The following PCDHGA4 variants were observed in gnomAD, a reference collection of about 807,000 sequenced individuals.
PCDHGA4 encodes protocadherin gamma-A4.
Under a neutral mutation model 54.6 loss-of-function variants are expected in PCDHGA4, and 38 were observed. That is an observed-to-expected ratio of 0.70 (90% confidence interval 0.54 to 0.91). The LOEUF is 0.91. Ranked by LOEUF, PCDHGA4 falls within the 40% of genes least tolerant of loss-of-function variation. PCDHGA4 has a pLI of 0.00. For missense variants in PCDHGA4, 1,298 were observed against 1,220.9 expected (o/e 1.06, Z -0.94); for synonymous variants, 511 against 512.9 (o/e 1.00, Z 0.05).
chr5:141,422,828 T>C (rs1273420440), intron 1 of PCDHGA4: 2 of 1,614,232 alleles, frequency 1.2e-6, no homozygotes, highest in East Asian at 4.5e-5. Context: ...CTGAGAGTGA[T>C]AGCACGTGAC....
chr5:141,421,468 C>A (rs759548375), intron 1 of PCDHGA4: 9 of 1,614,096 alleles, frequency 5.6e-6, no homozygotes, highest in Non-Finnish European at 5.9e-6. Flanking sequence ...TGTGAATCCG[C>A]GAAGCGGCAG....
At chr5:141,458,345 G>A (rs1161535708) in intron 1 of PCDHGA4, among the ~76,000 whole-genome samples, 2 of 152,112 alleles carry the variant, frequency 1.3e-5, no homozygotes, top group Non-Finnish European at 2.9e-5. Context: ...GGAGTGGAGA[G>A]TTTAATAAGC....
At chr5:141,504,429 G>T (rs947508365) in intron 2 of PCDHGA4, among the ~76,000 whole-genome samples, 1 of 152,124 alleles carries the variant, frequency 6.6e-6, no homozygotes, top group Non-Finnish European at 1.5e-5. Context: ...CACTACAACA[G>T]CTGCAGTGTG....
intron 1 of PCDHGA4, chr5:141,374,792 G>A (rs1588751016): frequency 6.2e-7 from 1 of 1,613,898 alleles, no homozygotes; most frequent in Non-Finnish European, 8.5e-7. Context: ...AGATGTGAAT[G>A]ACAACACTCC....
intron 1 of PCDHGA4, among the ~76,000 whole-genome samples, chr5:141,363,275 AT>A (rs1762863726): frequency 6.6e-6 from 1 of 152,224 alleles, no homozygotes; most frequent in Admixed American, 6.5e-5. Flanking sequence ...TTGCTTTTGA[AT>A]TTCCTAATTA....
intron 1 of PCDHGA4, chr5:141,398,380 C>G: frequency 6.9e-7 from 1 of 1,455,908 alleles, no homozygotes; most frequent in South Asian, 1.2e-5. Flanking sequence ...CGGGGAGTTG[C>G]TTGTGAGCAG....
intron 1 of PCDHGA4, chr5:141,370,412 A>G (rs1561546319): frequency 3.2e-6 from 5 of 1,567,090 alleles, no homozygotes; most frequent in Non-Finnish European, 4.3e-6. Context: ...ATAGCTCCGG[A>G]TGGAGGGGCC....
At chr5:141,404,058 T>C (rs1411363585) in intron 1 of PCDHGA4, 1 of 1,613,778 alleles carries the variant, frequency 6.2e-7, no homozygotes, top group Non-Finnish European at 8.5e-7. Flanking sequence ...ATTCTTCTTT[T>C]CAATGCTCAT....
At chr5:141,500,959 C>T (rs2099804326) in intron 2 of PCDHGA4, among the ~76,000 whole-genome samples, 1 of 152,022 alleles carries the variant, frequency 6.6e-6, no homozygotes, top group South Asian at 2.1e-4. Flanking sequence ...AGCTCCACCT[C>T]CTGGGTTCAA....
chr5:141,446,800 G>C (rs1332771959), intron 1 of PCDHGA4, among the ~76,000 whole-genome samples: 1 of 152,150 alleles, frequency 6.6e-6, no homozygotes, highest in African/African-American at 2.4e-5. Flanking sequence ...TTCTTCCATT[G>C]TGATCATCTA....
intron 1 of PCDHGA4, chr5:141,376,531 G>T (rs1240526589): frequency 3.7e-6 from 6 of 1,613,608 alleles, no homozygotes; most frequent in Non-Finnish European, 5.1e-6. Context: ...CGCCTAAGCG[G>T]GAAGAGTAAT....
chr5:141,445,389 C>T (rs1484183450), intron 1 of PCDHGA4, among the ~76,000 whole-genome samples: 1 of 152,174 alleles, frequency 6.6e-6, no homozygotes, highest in Non-Finnish European at 1.5e-5. Flanking sequence ...CATTCATTTA[C>T]ATAACAAATA....
In PCDHGA4 at chr5:141,491,623, G is replaced by C; in HGVS notation, c.2515-3184G>C. On this transcript the variant is annotated intron_variant, in intron 1 of 3. Coordinates refer to ENST00000571252, the MANE Select transcript of PCDHGA4 (RefSeq NM_018917.4). The surrounding 1 kb of genome is among the most constrained non-coding windows in gnomAD (Gnocchi z 6.9). ...CTTCACTTTTCTAAGACCCCTCAGC[G>C]TTCAGCAGCCCACAGCTCTGGCGCT... 1 of 1,613,930 alleles carries C rather than the reference G, an allele frequency of 6.2e-7. No individual in the cohort carries two copies. Among genetic ancestry groups the C allele is most frequent in the Non-Finnish European group, 8.5e-7 (1 of 1,180,020 alleles).
At chr5:141,362,049 C>G (rs1588571121) in intron 1 of PCDHGA4, 5 of 1,611,332 alleles carry the variant, frequency 3.1e-6, no homozygotes, top group Non-Finnish European at 4.2e-6. Context: ...GGGACGCGGC[C>G]CGCCAGCGCC....
chr5:141,399,221 T>C (rs564668507), intron 1 of PCDHGA4: 1 of 1,613,960 alleles, frequency 6.2e-7, no homozygotes, highest in Non-Finnish European at 8.5e-7. Flanking sequence ...ATTGCTTTGA[T>C]CAAAATACAT....
At chr5:141,438,334 A>G (rs756299924) in intron 1 of PCDHGA4, among the ~76,000 whole-genome samples, 6 of 151,946 alleles carry the variant, frequency 3.9e-5, no homozygotes, top group Non-Finnish European at 7.4e-5. Context: ...TATACATGTC[A>G]TATAAGGATC....
chr5:141,389,205 G>A, intron 1 of PCDHGA4: 1 of 1,614,040 alleles, frequency 6.2e-7, no homozygotes, highest in Non-Finnish European at 8.5e-7. Flanking sequence ...CCTGCACATT[G>A]GTGATGTAAA....
intron 1 of PCDHGA4, chr5:141,389,438 C>T (rs781427097): frequency 6.2e-7 from 1 of 1,610,592 alleles, no homozygotes; most frequent in South Asian, 1.1e-5. Flanking sequence ...AGCGCGCCTT[C>T]GACCACGAGC....
At chr5:141,383,599 G>C in intron 1 of PCDHGA4, 1 of 1,613,742 alleles carries the variant, frequency 6.2e-7, no homozygotes. Context: ...GACAGTGGTG[G>C]ATGTGAATGA....
Sources: allele counts gnomAD v4.1 joint callset (sites outside exome capture counted in the v4.1 genomes callset), GRCh38; gene constraint gnomAD v4.1.1; non-coding constraint Gnocchi (gnomAD v3.1); transcripts MANE v1.5; gene names NCBI Gene and HGNC (gene_info 2026-07-23, HGNC 2026-07-21).